Variants in RAB10 observed in about 807,000 individuals in gnomAD.
The protein encoded by RAB10 is ras-related protein Rab-10.
Under a neutral mutation model 25.7 loss-of-function variants are expected in RAB10, and 5 were observed. That is an observed-to-expected ratio of 0.19 (90% CI 0.10 to 0.41). The LOEUF (loss-of-function observed/expected upper bound fraction) is 0.41, where lower values mean the gene tolerates loss of function less well. Among genes scored for constraint, RAB10 ranks in the 10% least tolerant of loss-of-function variants. The probability of loss-of-function intolerance (pLI) is 1.00; values close to 1 mark genes in which losing one functional copy is unlikely to be tolerated. For synonymous variants in RAB10, 89 were observed against 86.4 expected (o/e 1.03, Z -0.16); for missense variants, 103 against 245.8 (o/e 0.42, Z 3.89).
At chr2:26,035,063 TA>T (rs1665735679) in intron 1 of RAB10, among the ~76,000 whole-genome samples, 2 of 152,244 alleles carry the variant, frequency 1.3e-5, no homozygotes, top group Non-Finnish European at 1.5e-5. Flanking sequence ...AGATGTGTGA[TA>T]TTTTTAAGGT....
At chr2:26,090,098 CCTTTA>C (rs1320535373) in intron 1 of RAB10, among the ~76,000 whole-genome samples, 1 of 152,054 alleles carries the variant, frequency 6.6e-6, no homozygotes, top group East Asian at 1.9e-4. Context: ...TTTTGTCTAC[CCTTTA>C]CTTCACACTG....
intron 1 of RAB10, among the ~76,000 whole-genome samples, chr2:26,085,157 C>T (rs144441659): frequency 1.3e-3 from 201 of 152,196 alleles, no homozygotes; most frequent in African/African-American, 4.7e-3. Context: ...AATTGGACTT[C>T]ATCAAAATGA....
intron 3 of RAB10, among the ~76,000 whole-genome samples, chr2:26,125,445 T>C (rs1667885435): frequency 6.6e-6 from 1 of 151,058 alleles, no homozygotes; most frequent in Non-Finnish European, 1.5e-5. Flanking sequence ...TTTTTTTTTT[T>C]TTTTTTTTTA....
At chr2:26,122,638 A>C (rs11689754) in intron 3 of RAB10, among the ~76,000 whole-genome samples, 1 of 150,378 alleles carries the variant, frequency 6.6e-6, no homozygotes, top group Non-Finnish European at 1.5e-5. Context: ...AAAAAAAAAC[A>C]AAAAAAAAGG....
intron 1 of RAB10, among the ~76,000 whole-genome samples, chr2:26,073,534 T>C (rs1386255468): frequency 6.6e-6 from 1 of 152,232 alleles, no homozygotes; most frequent in Non-Finnish European, 1.5e-5. Flanking sequence ...TTTTTAGTTT[T>C]CTGCCAGTTC....
intron 1 of RAB10, among the ~76,000 whole-genome samples, chr2:26,047,253 G>A (rs1666030650): frequency 6.6e-6 from 1 of 152,116 alleles, no homozygotes; most frequent in Non-Finnish European, 1.5e-5. Flanking sequence ...TGGTAACTAT[G>A]AAACTGTCCT....
chr2:26,122,993 G>A (rs898805056), intron 3 of RAB10, among the ~76,000 whole-genome samples: 1 of 152,208 alleles, frequency 6.6e-6, no homozygotes, highest in African/African-American at 2.4e-5. Flanking sequence ...CTACTGTTCT[G>A]TGCAAATGCA....
intron 3 of RAB10, among the ~76,000 whole-genome samples, chr2:26,113,949 A>G (rs1260782838): frequency 6.6e-6 from 1 of 152,180 alleles, no homozygotes; most frequent in Non-Finnish European, 1.5e-5. Flanking sequence ...TACACTAGCA[A>G]TAACCTAAAA....
chr2:26,102,834 A>G (rs1433357835), intron 2 of RAB10, among the ~76,000 whole-genome samples: 11 of 152,116 alleles, frequency 7.2e-5, no homozygotes, highest in Admixed American at 2.0e-4. Context: ...AGGCAAAGCC[A>G]GGGTTTTCCT....
chr2:26,133,485 C>A (rs188747507), intron 5 of RAB10, among the ~76,000 whole-genome samples: 2 of 152,002 alleles, frequency 1.3e-5, no homozygotes, highest in African/African-American at 2.4e-5. Flanking sequence ...CACAAGGGAG[C>A]CTTCTTGGGA....
intron 1 of RAB10, among the ~76,000 whole-genome samples, chr2:26,075,017 C>T (rs1409362816): frequency 6.6e-6 from 1 of 152,178 alleles, no homozygotes; most frequent in Non-Finnish European, 1.5e-5. Flanking sequence ...CGAAGTTCTT[C>T]TCTCACATTT....
rs546003354 is a variant in RAB10, at chr2:26,099,672, C to G, written c.188+950C>G. On this transcript the variant is annotated intron_variant, in intron 2 of 5. Coordinates refer to ENST00000264710, the MANE Select transcript of RAB10 (RefSeq NM_016131.5). ...TCTCCTGCCTCAGCCTCCCAAGTAG[C>G]TGGGACTATAGGTGCCCGCCACCAC... Among the ~76,000 whole-genome samples the G allele has an allele frequency of 4.2e-4, 63 of 151,042 alleles. 2 individuals are homozygous for G. In the South Asian group the frequency reaches 0.012, roughly 30 times the overall value.
At chr2:26,088,743 G>C (rs1667040977) in intron 1 of RAB10, among the ~76,000 whole-genome samples, 1 of 152,026 alleles carries the variant, frequency 6.6e-6, no homozygotes. Context: ...TCCTGTCTCA[G>C]CCTCCTGAGT....
chr2:26,077,672 AC>A (rs1160655301), intron 1 of RAB10, among the ~76,000 whole-genome samples: 2 of 152,154 alleles, frequency 1.3e-5, no homozygotes, highest in Admixed American at 1.3e-4. Context: ...TAGAATTGCT[AC>A]CCTGCTTAAA....
Position 26,034,480 on chromosome 2 carries a change from C to A in RAB10, c.-129C>A, listed in dbSNP as rs1574520204. On this transcript the variant is annotated 5_prime_UTR_variant, in exon 1 of 6. Transcript: ENST00000264710. ...AAAGCTGTTCGTAGGTCGCCCGCGC[C>A]GTCTCGAGCCTTTTTCCCACGCTTC... 2.3e-6 allele frequency: 3 copies of A among 1,279,498 alleles called. No homozygotes were observed. Among genetic ancestry groups the A allele is most frequent in the East Asian group, 2.5e-5 (1 of 40,744 alleles). 79.3% of individuals were successfully genotyped at this position (1,279,498 alleles called of 1,614,324 possible).
intron 1 of RAB10, among the ~76,000 whole-genome samples, chr2:26,068,665 C>CT (rs1666560830): frequency 6.6e-6 from 1 of 152,154 alleles, no homozygotes; most frequent in South Asian, 2.1e-4. Flanking sequence ...CATTTAAACT[C>CT]TGAGCCTCTT....
intron 5 of RAB10, among the ~76,000 whole-genome samples, chr2:26,132,154 A>G (rs774745798): frequency 6.6e-6 from 1 of 152,254 alleles, no homozygotes; most frequent in Non-Finnish European, 1.5e-5. Flanking sequence ...CACCCTGGTC[A>G]GCACAGTGGA....
chr2:26,070,080 C>CTT (rs1216223528), intron 1 of RAB10, among the ~76,000 whole-genome samples: 1 of 152,212 alleles, frequency 6.6e-6, no homozygotes, highest in Non-Finnish European at 1.5e-5. Context: ...ATTCACTCTG[C>CTT]ATTGTGTTAT....
chr2:26,085,853 G>T (rs1193828929), intron 1 of RAB10, among the ~76,000 whole-genome samples: 1 of 151,220 alleles, frequency 6.6e-6, no homozygotes, highest in East Asian at 2.0e-4. Flanking sequence ...AAAAAAATTA[G>T]CTGGGCATGG....
Sources: gnomAD v4.1 joint callset for allele counts (sites outside exome capture counted in the v4.1 genomes callset) on GRCh38, gnomAD v4.1.1 for gene constraint, MANE v1.5 for transcripts, NCBI Gene and HGNC (gene_info 2026-07-23, HGNC 2026-07-21) for gene names.